Variants in NLGN4X observed in about 807,000 individuals in gnomAD.
The protein encoded by NLGN4X is neuroligin-4, X-linked.
In NLGN4X, 3 loss-of-function variants were observed where a neutral mutation model predicts 40.3. That is an observed-to-expected ratio of 0.07 (90% CI 0.03 to 0.19). NLGN4X has a LOEUF of 0.19. Ranked by LOEUF, NLGN4X falls within the 10% of genes least tolerant of loss-of-function variation. The pLI, the probability that NLGN4X is intolerant of heterozygous loss-of-function variation, is 1.00. For synonymous variants in NLGN4X, 270 were observed against 306.8 expected, an observed-to-expected ratio of 0.88 and a Z score of 1.25; for missense variants, 382 against 708.3, an observed-to-expected ratio of 0.54 and a Z score of 5.23.
At chrX:6,157,133 G>A (rs1297159183) in intron 1 of NLGN4X, among the ~76,000 whole-genome samples, 3 of 97,213 alleles carry the variant, frequency 3.1e-5, no homozygotes, top group Admixed American at 1.1e-4. Flanking sequence ...AAAAAAAAAA[G>A]GATGCCAAAT....
intron 2 of NLGN4X, among the ~76,000 whole-genome samples, chrX:6,048,917 T>C (rs144461030): frequency 1.0e-3 from 111 of 106,831 alleles, no homozygotes; most frequent in African/African-American, 3.6e-3. Flanking sequence ...AGGTGATGGA[T>C]TGGTAGGGGC....
chrX:6,169,029 T>C (rs1372873499), intron 1 of NLGN4X, among the ~76,000 whole-genome samples: 1 of 112,025 alleles, frequency 8.9e-6, no homozygotes, highest in Non-Finnish European at 1.9e-5. Context: ...ATGAAGACTG[T>C]CCTCTCTCAG....
At chrX:6,053,875 A>G (rs2037552730) in intron 2 of NLGN4X, among the ~76,000 whole-genome samples, 2 of 112,373 alleles carry the variant, frequency 1.8e-5, no homozygotes. Flanking sequence ...CATTGCAGTC[A>G]CCATGCATTA....
At chrX:6,181,261 A>G (rs1310335211) in intron 1 of NLGN4X, among the ~76,000 whole-genome samples, 2 of 111,783 alleles carry the variant, frequency 1.8e-5, no homozygotes, top group Non-Finnish European at 3.8e-5. Flanking sequence ...AATCTATTAC[A>G]CTATAATTAC....
intron 2 of NLGN4X, among the ~76,000 whole-genome samples, chrX:6,096,857 T>C (rs956475172): frequency 1.8e-5 from 2 of 111,282 alleles, no homozygotes; most frequent in Non-Finnish European, 3.8e-5. Context: ...TCATGGGTTG[T>C]TTGTTTCTGT....
At chrX:6,076,736 A>G (rs769583728) in intron 2 of NLGN4X, among the ~76,000 whole-genome samples, 1 of 112,406 alleles carries the variant, frequency 8.9e-6, no homozygotes, top group Non-Finnish European at 1.9e-5. Flanking sequence ...TACATCTGGC[A>G]TGCTCAACCG....
rs146611539 is a variant in NLGN4X at position 6,016,938 on chromosome X, T to C, written c.625+12342A>G. ...AGGCAAATCTATATAGACAGGTAGA[T>C]AGTTAGTGGAAGCCTATCTCCTGGG... On this transcript the variant is annotated intron_variant, in intron 3 of 5. Coordinates refer to ENST00000381095, the MANE Select transcript of NLGN4X (RefSeq NM_181332.3). Among the ~76,000 whole-genome samples, 442 of 111,571 alleles carry C rather than the reference T, an allele frequency of 4.0e-3. 4 individuals carry two copies. Among genetic ancestry groups the C allele is most frequent in the African/African-American group, 0.014 (423 of 30,731 alleles).
At chrX:6,200,694 T>TTTTCTTTTTTTC (rs1923527720) in intron 1 of NLGN4X, among the ~76,000 whole-genome samples, 2 of 91,282 alleles carry the variant, frequency 2.2e-5, no homozygotes, top group African/African-American at 8.4e-5. Flanking sequence ...TTTCTTTTTT[T>TTTTCTTTTTTTC]TTTTTTTTTT....
intron 3 of NLGN4X, among the ~76,000 whole-genome samples, chrX:5,987,325 T>C (rs1042033486): frequency 8.9e-6 from 1 of 112,289 alleles, no homozygotes; most frequent in Non-Finnish European, 1.9e-5. Context: ...AAGAAAAGCA[T>C]GGAAATGAGT....
chrX:6,001,914 A>G (rs2035980367), intron 3 of NLGN4X, among the ~76,000 whole-genome samples: 1 of 111,816 alleles, frequency 8.9e-6, no homozygotes, highest in Non-Finnish European at 1.9e-5. Context: ...AACAAATGCA[A>G]ATTTGACAAC....
At chrX:5,935,479 A>C (rs766120021) in intron 3 of NLGN4X, among the ~76,000 whole-genome samples, 1 of 112,612 alleles carries the variant, frequency 8.9e-6, no homozygotes, top group African/African-American at 3.2e-5. Flanking sequence ...CAGAGAGGAC[A>C]GGGAACTCTG....
At chrX:5,973,252 G>C (rs2035077961) in intron 3 of NLGN4X, among the ~76,000 whole-genome samples, 2 of 112,452 alleles carry the variant, frequency 1.8e-5, no homozygotes, top group Admixed American at 1.9e-4. Flanking sequence ...TATTGGAAGA[G>C]AGCCACACCA....
At chrX:6,225,552 A>G (rs974333604) in intron 1 of NLGN4X, among the ~76,000 whole-genome samples, 5 of 108,866 alleles carry the variant, frequency 4.6e-5, no homozygotes, top group Non-Finnish European at 7.6e-5. Context: ...TAGCTGGAGA[A>G]GGAAGCTACC....
At chrX:6,124,198 CTAA>C (rs1376914842) in intron 2 of NLGN4X, among the ~76,000 whole-genome samples, 1 of 110,552 alleles carries the variant, frequency 9.0e-6, no homozygotes, top group Non-Finnish European at 1.9e-5. Flanking sequence ...ATGTAACATC[CTAA>C]TAATACAGCT....
At chrX:5,950,014 G>A (rs747416940) in intron 3 of NLGN4X, among the ~76,000 whole-genome samples, 7 of 111,823 alleles carry the variant, frequency 6.3e-5, no homozygotes, top group South Asian at 3.7e-4. Flanking sequence ...CAAATCAGAC[G>A]GGTTTGGGAC....
chrX:5,924,685 T>A (rs762574868), intron 3 of NLGN4X, among the ~76,000 whole-genome samples: 14 of 112,045 alleles, frequency 1.2e-4, no homozygotes, highest in East Asian at 2.8e-4. Context: ...TACAAAGAAA[T>A]GAATTAATGG....
intron 2 of NLGN4X, among the ~76,000 whole-genome samples, chrX:6,110,294 C>G (rs2039119622): frequency 9.0e-6 from 1 of 111,267 alleles, no homozygotes; most frequent in African/African-American, 3.3e-5. Context: ...AAGAACTTCC[C>G]AGGGCTCTGC....
At chrX:6,103,821 T>C (rs1483204668) in intron 2 of NLGN4X, among the ~76,000 whole-genome samples, 1 of 112,273 alleles carries the variant, frequency 8.9e-6, no homozygotes. Context: ...TAGTCACTAG[T>C]TCGATGTTGA....
At chrX:6,031,072 TTA>T (rs1414334582) in intron 2 of NLGN4X, among the ~76,000 whole-genome samples, 2 of 112,088 alleles carry the variant, frequency 1.8e-5, no homozygotes, top group Non-Finnish European at 3.8e-5. Context: ...TAACCAGCTG[TTA>T]TATTAATGCA....
Sources: gnomAD v4.1 joint callset for allele counts (sites outside exome capture counted in the v4.1 genomes callset) on GRCh38, gnomAD v4.1.1 for gene constraint, MANE v1.5 for transcripts, NCBI Gene and HGNC (gene_info 2026-07-23, HGNC 2026-07-21) for gene names.